The following PGR variants were observed in gnomAD, a reference collection of about 807,000 sequenced individuals.
The protein encoded by PGR is progesterone receptor, also known as nuclear receptor subfamily 3 group C member 3.
Under a neutral mutation model 76.1 loss-of-function variants are expected in PGR, and 25 were observed. The ratio of observed to expected loss-of-function variants is 0.33; its 90% confidence interval spans 0.24 to 0.46. The LOEUF is 0.46. Among genes scored for constraint, PGR ranks in the 20% least tolerant of loss-of-function variants. The pLI, the probability that PGR is intolerant of heterozygous loss-of-function variation, is 1.00. For missense variants in PGR, 1,172 were observed against 1,225.3 expected, an observed-to-expected ratio of 0.96 and a Z score of 0.65; for synonymous variants, 579 against 535.0, an observed-to-expected ratio of 1.08 and a Z score of -1.14.
chr11:101,126,128 T>A lies in PGR; in HGVS notation c.1668A>T (p.Gln556His). The A allele has an allele frequency of 1.2e-6, 2 of 1,614,130 alleles. No individual in the cohort carries two copies. Among genetic ancestry groups the A allele is most frequent in the Non-Finnish European group, 1.7e-6 (2 of 1,180,000 alleles). The change falls in exon 2 of 8, where the codon CAA becomes CAT. Residue 556 changes from glutamine to histidine, a missense_variant. Physicochemically the swap from Gln to His is conservative, Grantham distance 24. Coordinates refer to ENST00000325455, the MANE Select transcript of PGR (RefSeq NM_000926.4). ...RPDSEASQSP[Q>H]YSFESLPQKI... ...TCTGAGGTAATGACTCGAAGCTGTA[T>A]TGTGGGCTCTGGCTGGCTTCTGAAT...
At chr11:101,123,728 C>T (rs950454126) in intron 2 of PGR, among the ~76,000 whole-genome samples, 1 of 152,192 alleles carries the variant, frequency 6.6e-6, no homozygotes, top group African/African-American at 2.4e-5. Context: ...CATATTTCAA[C>T]CCATAACCAC....
Position 101,128,201 on chromosome 11 carries a change from C to T in PGR, c.870G>A (p.Ala290=). 6.3e-7 allele frequency: 1 copy of T among 1,598,268 alleles called. No individual in the cohort carries two copies. Among genetic ancestry groups the T allele is most frequent in the Non-Finnish European group, 8.5e-7 (1 of 1,179,526 alleles). ...VALVEQDAPM[A]PGRSPLATTV... is the part of the protein sequence containing the mutation. ...TGGTGGCCAGCGGGGAGCGCCCGGG[C>T]GCCATCGGCGCGTCCTGCTCCACCA... The change falls in exon 1 of 8, where the codon GCG becomes GCA. Residue 290 remains alanine (A), a synonymous_variant. Coordinates refer to ENST00000325455, the MANE Select transcript of PGR (RefSeq NM_000926.4).
chr11:101,110,873 T>C (rs1341250570), intron 2 of PGR, among the ~76,000 whole-genome samples: 1 of 152,182 alleles, frequency 6.6e-6, no homozygotes, highest in Non-Finnish European at 1.5e-5. Flanking sequence ...TCAATGACCA[T>C]TCACATCAAG....
rs1465272716 is a variant in PGR at position 101,042,044 on chromosome 11, A to T, written c.2547T>A (p.Ile849=). Residue 849 remains isoleucine (I), a synonymous_variant, in exon 7 of 8, where the codon ATT becomes ATA. Transcript: ENST00000325455. The part of the protein sequence containing the change: ...TQFEEMRSSY[I]RELIKAIGLR... ...AACCAATTGCCTTGATGAGCTCTCT[A>T]ATGTAGCTTGACCTCATCTCCTCAA... 6.2e-7 allele frequency: 1 copy of T among 1,613,396 alleles called. No homozygotes were observed. The highest frequency in any genetic ancestry group is 1.3e-5 in the African/African-American group (1 of 74,902).
chr11:101,055,985 C>T (rs949003301), intron 4 of PGR, among the ~76,000 whole-genome samples: 3 of 152,150 alleles, frequency 2.0e-5, no homozygotes, highest in African/African-American at 7.2e-5. Flanking sequence ...CCACCTTTTA[C>T]AGTGCTTATC....
chr11:101,073,697 A>C (rs1861025680), intron 3 of PGR, among the ~76,000 whole-genome samples: 1 of 152,188 alleles, frequency 6.6e-6, no homozygotes, highest in South Asian at 2.1e-4. Flanking sequence ...AGAATACTAT[A>C]AACACCTCTA....
At chr11:101,117,251 T>C (rs1862539369) in intron 2 of PGR, among the ~76,000 whole-genome samples, 1 of 152,192 alleles carries the variant, frequency 6.6e-6, no homozygotes, top group Non-Finnish European at 1.5e-5. Context: ...ATTATTTTAA[T>C]CAGTAATGCT....
intron 3 of PGR, among the ~76,000 whole-genome samples, chr11:101,074,472 G>A (rs1861054826): frequency 6.6e-6 from 1 of 152,108 alleles, no homozygotes; most frequent in Admixed American, 6.5e-5. Flanking sequence ...GGAAGTTCTG[G>A]CCAGGGCAAT....
At chr11:101,082,598 T>C (rs1458815819) in intron 3 of PGR, among the ~76,000 whole-genome samples, 1 of 152,190 alleles carries the variant, frequency 6.6e-6, no homozygotes, top group East Asian at 1.9e-4. Flanking sequence ...ACTCTTGCTA[T>C]GCTTTAGCAA....
At chr11:101,076,919 A>ATT (rs59106149) in intron 3 of PGR, among the ~76,000 whole-genome samples, 3,828 of 64,866 alleles carry the variant, frequency 0.059, 531 homozygotes, top group Non-Finnish European at 0.092. Context: ...TACAAATGGA[A>ATT]TTTTTTTTTT....
intron 3 of PGR, among the ~76,000 whole-genome samples, chr11:101,071,136 C>T (rs1175136547): frequency 1.3e-5 from 2 of 152,148 alleles, no homozygotes; most frequent in Admixed American, 6.5e-5. Context: ...GAACAGGCAG[C>T]AATCTTTGCT....
chr11:101,127,580 G>A lies in PGR; in HGVS notation c.1491C>T (p.Ser497=). Residue 497 remains serine, a synonymous_variant, in exon 1 of 8, where the codon TCC becomes TCT. Transcript: ENST00000325455. ...CGGCGGCGGCGGCAGAGGCGGAGGT[G>A]GAGGGCAGGCCGTCCCGCGGGAGCA... ...GCLLPRDGLP[S]TSASAAAAGA... 1 of 1,347,702 alleles carries A rather than the reference G, an allele frequency of 7.4e-7. No homozygotes were observed. Among genetic ancestry groups the A allele is most frequent in the Non-Finnish European group, 9.5e-7 (1 of 1,054,510 alleles). 83.5% of individuals were successfully genotyped at this position (1,347,702 alleles called of 1,614,324 possible).
intron 3 of PGR, among the ~76,000 whole-genome samples, chr11:101,071,020 C>G (rs538964553): frequency 7.9e-5 from 12 of 152,174 alleles, no homozygotes; most frequent in Non-Finnish European, 1.8e-4. Flanking sequence ...CCTGTGCCTC[C>G]TGACTGGGAG....
chr11:101,052,311 G>A (rs1413010544), intron 4 of PGR, among the ~76,000 whole-genome samples: 2 of 97,046 alleles, frequency 2.1e-5, no homozygotes, highest in African/African-American at 7.2e-5. Context: ...GTGTGTGTGT[G>A]TGTGTGTGTA....
intron 6 of PGR, among the ~76,000 whole-genome samples, chr11:101,042,740 T>C (rs1859735422): frequency 6.6e-6 from 1 of 152,126 alleles, no homozygotes; most frequent in African/African-American, 2.4e-5. Context: ...ACCACGGCAA[T>C]GAAGGAAATA....
chr11:101,107,829 C>T (rs535903692), intron 2 of PGR, among the ~76,000 whole-genome samples: 1 of 143,418 alleles, frequency 7.0e-6, no homozygotes, highest in African/African-American at 2.7e-5. Context: ...TTATAACTTT[C>T]TAGAATCTCC....
chr11:101,081,217 G>T (rs1341248693), intron 3 of PGR, among the ~76,000 whole-genome samples: 1 of 151,892 alleles, frequency 6.6e-6, no homozygotes, highest in African/African-American at 2.4e-5. Flanking sequence ...ATCATGAGGT[G>T]AGGAGTTCAA....
At position 101,032,174 on chromosome 11, in the gene PGR, C is replaced by T; in HGVS notation, c.*6942G>A. On this transcript the variant is annotated 3_prime_UTR_variant, in exon 8 of 8. Transcript: ENST00000325455. ...TGTATTTCATCTCCTTTCGTCAGTC[C>T]TGTCAATGTTCCTATGTTATATCTT... is the stretch of plus-strand genomic sequence containing the variant. The T allele has an allele frequency of 4.3e-6, 1 of 232,866 alleles. No individual in the cohort carries two copies. The highest frequency in any genetic ancestry group is 8.5e-6 in the Non-Finnish European group (1 of 117,856). 14.4% of individuals were successfully genotyped at this position (232,866 alleles called of 1,614,324 possible).
At chr11:101,045,178 G>C (rs534665478) in intron 6 of PGR, among the ~76,000 whole-genome samples, 1 of 152,298 alleles carries the variant, frequency 6.6e-6, no homozygotes, top group East Asian at 1.9e-4. Flanking sequence ...CTTTGGTTTT[G>C]AGTTTTCAAG....
Sources: allele counts gnomAD v4.1 joint callset (sites outside exome capture counted in the v4.1 genomes callset), GRCh38; gene constraint gnomAD v4.1.1; transcripts MANE v1.5; gene names NCBI Gene and HGNC (gene_info 2026-07-23, HGNC 2026-07-21).